The following PLB1 variants were observed in gnomAD, a reference collection of about 807,000 sequenced individuals.
PLB1 encodes phospholipase B1, membrane-associated.
In PLB1, 242 loss-of-function variants were observed where a neutral mutation model predicts 227.4. The observed-to-expected ratio is 1.06, with a 90% confidence interval of 0.96 to 1.18. The LOEUF (loss-of-function observed/expected upper bound fraction) is 1.18. PLB1 is among the 50% of genes most tolerant of loss of function. The probability of loss-of-function intolerance (pLI) is 0.00; values close to 1 mark genes in which losing one functional copy is unlikely to be tolerated. For synonymous variants in PLB1, 757 were observed against 682.2 expected (o/e 1.11, Z -1.71); for missense variants, 1,858 against 1,816.3 (o/e 1.02, Z -0.42).
At chr2:28,523,340 T>G (rs938283538) in intron 4 of PLB1, among the ~76,000 whole-genome samples, 1 of 149,132 alleles carries the variant, frequency 6.7e-6, no homozygotes, top group African/African-American at 2.5e-5. Flanking sequence ...GCGAGGTTTT[T>G]TTTTTTTTTT....
intron 43 of PLB1, 79 bp downstream of exon 43, chr2:28,606,646 C>A: frequency 1.6e-6 from 2 of 1,284,002 alleles, no homozygotes; most frequent in Non-Finnish European, 1.1e-6. Flanking sequence ...TCCTCCACCA[C>A]AGCTTCCTCA....
intron 33 of PLB1, chr2:28,594,368 T>C: frequency 4.9e-6 from 1 of 203,466 alleles, no homozygotes; most frequent in Non-Finnish European, 1.0e-5. Context: ...TATTCTCAAG[T>C]TTCTTTCTCT....
intron 57 of PLB1, 58 bp downstream of exon 57, chr2:28,641,059 T>A: frequency 6.5e-7 from 1 of 1,531,614 alleles, no homozygotes; most frequent in Non-Finnish European, 8.9e-7. Context: ...GGGGTTGTCC[T>A]GTCCCCTGGA....
intron 55 of PLB1, among the ~76,000 whole-genome samples, 193 bp from the exon 56 acceptor site, chr2:28,632,751 G>A (rs1314439739): frequency 4.0e-5 from 6 of 150,782 alleles, no homozygotes; most frequent in African/African-American, 7.4e-5. Flanking sequence ...GCGAAACTCC[G>A]TCTCAAAAAA....
chr2:28,502,060 C>G (rs1667163406), intron 1 of PLB1, among the ~76,000 whole-genome samples: 1 of 152,146 alleles, frequency 6.6e-6, no homozygotes, highest in African/African-American at 2.4e-5. Context: ...AAATTTCCTT[C>G]CATAAGGATT....
intron 26 of PLB1, among the ~76,000 whole-genome samples, chr2:28,586,158 C>G (rs372245535): frequency 1.3e-5 from 2 of 152,156 alleles, no homozygotes; most frequent in African/African-American, 4.8e-5. Context: ...TATCCAGACC[C>G]AAACCTCGAC....
At chr2:28,557,490 A>C (rs1377467914) in intron 17 of PLB1, among the ~76,000 whole-genome samples, 1 of 152,204 alleles carries the variant, frequency 6.6e-6, no homozygotes, top group Non-Finnish European at 1.5e-5. Flanking sequence ...CAGGTGGTTT[A>C]AGTTGCTGGG....
At chr2:28,623,334 G>T (rs1360015535) in intron 49 of PLB1, among the ~76,000 whole-genome samples, 1 of 152,184 alleles carries the variant, frequency 6.6e-6, no homozygotes, top group Non-Finnish European at 1.5e-5. Context: ...CTTGGTCTGG[G>T]CCTGAAGGAT....
chr2:28,565,437 T>G lies in PLB1; in HGVS notation c.1280+84T>G, dbSNP rs371319907. The G allele has an allele frequency of 1.8e-5, 23 of 1,273,086 alleles. No homozygotes were observed. In the African/African-American group the frequency reaches 2.7e-4, roughly 15 times the overall value. The allele number at this position is 1,273,086 out of a possible 1,614,324, so 78.9% of individuals were successfully genotyped here. ...CCTGAGTGTTCTAGAAAACAACGCC[T>G]TAAGCAGAAGGGTGGGCCATTTTGT... On this transcript the variant is annotated intron_variant, in intron 19 of 57. Transcript: ENST00000327757.
intron 9 of PLB1, among the ~76,000 whole-genome samples, chr2:28,535,697 G>A (rs920029575): frequency 6.6e-6 from 1 of 152,200 alleles, no homozygotes; most frequent in Admixed American, 6.5e-5. Context: ...AAGGCAGGTG[G>A]ATCACTTGAG....
At chr2:28,571,388 A>G (rs1323562548) in intron 20 of PLB1, among the ~76,000 whole-genome samples, 2 of 152,158 alleles carry the variant, frequency 1.3e-5, no homozygotes, top group Admixed American at 6.5e-5. Flanking sequence ...ACATCAATCT[A>G]CGGATTCAAT....
Position 28,519,169 on chromosome 2 carries a change from G to T in PLB1, c.185-536G>T, listed in dbSNP as rs57814589. Among the ~76,000 whole-genome samples, 1,424 of 152,092 alleles carry T rather than the reference G, an allele frequency of 9.4e-3. 28 individuals carry two copies. Among genetic ancestry groups the T allele is most frequent in the African/African-American group, 0.033 (1,363 of 41,516 alleles). On this transcript the variant is annotated intron_variant, in intron 3 of 57. Coordinates refer to ENST00000327757, the MANE Select transcript of PLB1 (RefSeq NM_153021.5). ...TTTCTAGGGAGACTTCATTGCTAAA[G>T]ATGCCAATCACTCAAGTGGGTCCAG...
intron 4 of PLB1, among the ~76,000 whole-genome samples, chr2:28,520,798 C>A (rs965473609): frequency 6.6e-6 from 1 of 152,092 alleles, no homozygotes; most frequent in African/African-American, 2.4e-5. Flanking sequence ...CATGGTGAAA[C>A]CCCATCTTTA....
chr2:28,602,200 G>A (rs997592003), intron 38 of PLB1, among the ~76,000 whole-genome samples: 5 of 152,220 alleles, frequency 3.3e-5, no homozygotes, highest in Admixed American at 6.5e-5. Context: ...CACTACATGG[G>A]ACACTCCTTG....
intron 23 of PLB1, among the ~76,000 whole-genome samples, chr2:28,580,332 C>G: frequency 6.6e-6 from 1 of 152,256 alleles, no homozygotes; most frequent in East Asian, 1.9e-4. Context: ...GGAACTTGCA[C>G]TGCCAGCGGA....
In PLB1 at chr2:28,617,601, A is replaced by G. The variant is rs543674149; in HGVS notation, c.3196-126A>G. ...TATAACTCACAGTTCTTTCCCTCAC[A>G]TGATCCTGTATGGTGACTCATTTCT... On this transcript the variant is annotated intron_variant, in intron 44 of 57. Transcript: ENST00000327757. 853 of 885,492 alleles carry G rather than the reference A, an allele frequency of 9.6e-4. 1 individual carries two copies. The highest frequency in any genetic ancestry group is 1.0e-3 in the Non-Finnish European group (561 of 535,426). 54.9% of individuals were successfully genotyped at this position (885,492 alleles called of 1,614,324 possible). A position where few individuals can be genotyped will look rare whatever the true frequency, so the allele number is the denominator to read the frequency against.
At chr2:28,566,773 T>G in intron 19 of PLB1, 23 bp from the exon 20 acceptor site, 1 of 1,613,932 alleles carries the variant, frequency 6.2e-7, no homozygotes, top group Non-Finnish European at 8.5e-7. Flanking sequence ...CCCTTCATTT[T>G]CTTTCTTGGA....
intron 1 of PLB1, among the ~76,000 whole-genome samples, chr2:28,516,293 G>A (rs915248680): frequency 7.9e-5 from 12 of 152,158 alleles, no homozygotes; most frequent in Admixed American, 2.6e-4. Context: ...TACTCCTCAC[G>A]TTCAGCAAGA....
At chr2:28,534,289 G>A (rs946752761) in intron 9 of PLB1, among the ~76,000 whole-genome samples, 2 of 152,140 alleles carry the variant, frequency 1.3e-5, no homozygotes, top group Non-Finnish European at 1.5e-5. Context: ...ACAATGAACA[G>A]TCTTGCTCAT....
Sources: allele counts gnomAD v4.1 joint callset (sites outside exome capture counted in the v4.1 genomes callset), GRCh38; gene constraint gnomAD v4.1.1; transcripts MANE v1.5; gene names NCBI Gene and HGNC (gene_info 2026-07-23, HGNC 2026-07-21).